Variants in ELMO2 observed in about 807,000 individuals in gnomAD.
ELMO2 encodes engulfment and cell motility 2.
ELMO2 carries 37 observed loss-of-function variants against 96.2 expected under a neutral mutation model. The observed-to-expected ratio is 0.38, with a 90% CI of 0.30 to 0.51. ELMO2 has a LOEUF of 0.51. ELMO2 is among the 20% of genes least tolerant of loss of function. The probability of loss-of-function intolerance (pLI) is 0.88; values close to 1 mark genes in which losing one functional copy is unlikely to be tolerated. For synonymous variants in ELMO2, 315 were observed against 329.4 expected, an observed-to-expected ratio of 0.96 and a Z score of 0.47; for missense variants, 561 against 912.6, an observed-to-expected ratio of 0.61 and a Z score of 4.96.
intron 8 of ELMO2, among the ~76,000 whole-genome samples, chr20:46,386,758 G>A (rs1226468297): frequency 6.6e-6 from 1 of 152,110 alleles, no homozygotes; most frequent in Non-Finnish European, 1.5e-5. Flanking sequence ...CCAGTGTCGG[G>A]GAGTCCCAAT....
intron 9 of ELMO2, among the ~76,000 whole-genome samples, chr20:46,383,822 T>C (rs2059997471): frequency 6.6e-6 from 1 of 152,200 alleles, no homozygotes; most frequent in Admixed American, 6.5e-5. Context: ...TTAAAAGTCA[T>C]GTTTTAGGGT....
At chr20:46,385,978 G>T in intron 9 of ELMO2, 146 bp downstream of exon 9, 1 of 831,200 alleles carries the variant, frequency 1.2e-6, no homozygotes, top group Non-Finnish European at 1.8e-6. Flanking sequence ...AGAAATTCTG[G>T]CAGGAGTGTG....
chr20:46,387,404 G>A lies in ELMO2; in HGVS notation c.459C>T (p.Ala153=). The A allele has an allele frequency of 6.2e-7, 1 of 1,614,004 alleles. No homozygotes were observed. The highest frequency in any genetic ancestry group is 8.5e-7 in the Non-Finnish European group (1 of 1,179,988). ...TGCCATGGTCCATGAGCTCTAGGAA[G>A]GCAGTCAGGGTGAATGCCAGCATCT... ...YSEMLAFTLT[A]FLELMDHGIV... Residue 153 remains alanine, a synonymous_variant, in exon 8 of 22, where the codon GCC becomes GCT. Coordinates refer to ENST00000290246, the MANE Select transcript of ELMO2 (RefSeq NM_133171.5).
At chr20:46,395,742 G>A (rs571144484) in intron 2 of ELMO2, among the ~76,000 whole-genome samples, 17 of 152,308 alleles carry the variant, frequency 1.1e-4, no homozygotes, top group African/African-American at 3.8e-4. Context: ...TAGTCAGAAT[G>A]GGATGCTTCA....
chr20:46,398,722 A>G lies in ELMO2; in HGVS notation c.-76T>C, dbSNP rs1279827278. On this transcript the variant is annotated 5_prime_UTR_variant, in exon 2 of 22. Transcript: ENST00000290246. ...CTTACAGGTAAGGCAACTGAAGTTC[A>G]GACGGATTGACAAACTTGTTCTCCA... is the stretch of plus-strand genomic sequence containing the variant. 2 of 152,258 alleles carry G rather than the reference A, an allele frequency of 1.3e-5. No individual in the cohort carries two copies. Among genetic ancestry groups the G allele is most frequent in the Admixed American group, 6.5e-5 (1 of 15,290 alleles). The allele number at this position is 152,258 out of a possible 1,614,324, so 9.4% of individuals were successfully genotyped here. A position where few individuals can be genotyped will look rare whatever the true frequency, so the allele number is the denominator to read the frequency against.
intron 7 of ELMO2, 79 bp from the exon 8 acceptor site, chr20:46,387,516 A>T: frequency 8.5e-7 from 1 of 1,180,286 alleles, no homozygotes. Context: ...GCCACAAAAA[A>T]GATGAATTTT....
In ELMO2 at chr20:46,386,286, A is replaced by T. The variant is rs748203626; in HGVS notation, c.526-11T>A. The T allele has an allele frequency of 1.2e-6, 2 of 1,613,366 alleles. No individual in the cohort carries two copies. The highest frequency in any genetic ancestry group is 2.2e-5 in the South Asian group (2 of 91,064). ...CACATACCCTGCAATCTAGACCCAG[A>T]GATGGCACATCAATTGAGAAGCTCA... On this transcript the variant is annotated splice_polypyrimidine_tract_variant and intron_variant, in intron 8 of 21. Coordinates refer to ENST00000290246, the MANE Select transcript of ELMO2 (RefSeq NM_133171.5).
rs778560733 is a variant in ELMO2, at chr20:46,371,666, C to T, written c.1606G>A (p.Glu536Lys). 1.9e-6 allele frequency: 3 copies of T among 1,613,822 alleles called. No individual in the cohort carries two copies. Among genetic ancestry groups the T allele is most frequent in the Non-Finnish European group, 2.5e-6 (3 of 1,180,002 alleles). ...IVELREKIQP[E>K]ILELIKQQRL... Reference sequence around the variant, plus strand: ...TGCTGCTTGATCAGCTCAAGGATCTCGGGCTGGATCTTCTCCCTCAGCTCC... The same window carrying T: ...TGCTGCTTGATCAGCTCAAGGATCTTGGGCTGGATCTTCTCCCTCAGCTCC... The change falls in exon 18 of 22, where the codon GAG (glutamate) becomes AAG (lysine). Residue 536 changes from glutamate to lysine, a missense_variant. Physicochemically the swap from Glu to Lys is moderately conservative, Grantham distance 56 (BLOSUM62 1). Coordinates refer to ENST00000290246, the MANE Select transcript of ELMO2 (RefSeq NM_133171.5). The surrounding 1 kb of genome is among the most constrained non-coding windows in gnomAD (Gnocchi z 5.9).
intron 6 of ELMO2, 135 bp from the exon 7 acceptor site, chr20:46,389,355 G>T: frequency 1.2e-6 from 1 of 843,638 alleles, no homozygotes; most frequent in Non-Finnish European, 1.8e-6. Context: ...CTTAGGAGTT[G>T]CTAAATAAAT....
intron 9 of ELMO2, among the ~76,000 whole-genome samples, chr20:46,385,381 TAACA>T (rs1196691891): frequency 6.6e-6 from 1 of 152,162 alleles, no homozygotes; most frequent in African/African-American, 2.4e-5. Flanking sequence ...ATAAGAGTCT[TAACA>T]AACAAACAAA....
At chr20:46,380,575 T>C (rs1045939145) in intron 10 of ELMO2, among the ~76,000 whole-genome samples, 2 of 152,168 alleles carry the variant, frequency 1.3e-5, no homozygotes, top group African/African-American at 4.8e-5. Flanking sequence ...CAAAGAGAGA[T>C]GAGGACTGCT....
At chr20:46,377,414 C>A (rs948991655) in intron 11 of ELMO2, among the ~76,000 whole-genome samples, 1 of 152,086 alleles carries the variant, frequency 6.6e-6, no homozygotes, top group African/African-American at 2.4e-5. Context: ...GGTTCTATGT[C>A]CACTGGACGG....
chr20:46,375,962 C>G lies in ELMO2; in HGVS notation c.808-172G>C, dbSNP rs2059852636. The stretch of plus-strand genomic sequence containing the variant: ...GGAGCATGAATGGGCTTGGTTCAGG[C>G]AGAGATGACTCACTGCAGGCCTGAA... On this transcript the variant is annotated intron_variant, in intron 11 of 21. Transcript: ENST00000290246. The surrounding 1 kb of genome is among the most constrained non-coding windows in gnomAD (Gnocchi z 4.6). 6.6e-6 allele frequency among the ~76,000 whole-genome samples: 1 copy of G among 152,220 alleles called. No homozygotes were observed. Among genetic ancestry groups the G allele is most frequent in the Admixed American group, 6.5e-5 (1 of 15,284 alleles).
At chr20:46,370,003 T>C (rs2059668780) in intron 20 of ELMO2, 2 of 345,330 alleles carry the variant, frequency 5.8e-6, no homozygotes, top group Non-Finnish European at 1.1e-5. Context: ...TGTGTGTGTG[T>C]GTATCCATAT....
At chr20:46,377,764 G>A (rs372802373) in intron 11 of ELMO2, among the ~76,000 whole-genome samples, 3 of 152,142 alleles carry the variant, frequency 2.0e-5, no homozygotes, top group African/African-American at 4.8e-5. Flanking sequence ...TCTCTTAAGC[G>A]TGAGATCGCT....
At chr20:46,387,644 A>AAAG in intron 7 of ELMO2, 1 of 230,606 alleles carries the variant, frequency 4.3e-6, no homozygotes, top group Non-Finnish European at 8.9e-6. Flanking sequence ...AAAAAAAAAA[A>AAAG]AAAAAAAAAT....
At chr20:46,402,470 A>C (rs537094047) in intron 1 of ELMO2, among the ~76,000 whole-genome samples, 1 of 152,370 alleles carries the variant, frequency 6.6e-6, no homozygotes, top group East Asian at 1.9e-4. Context: ...CACTTACCTC[A>C]GTTTTTGGAA....
At chr20:46,377,823 C>T in intron 11 of ELMO2, among the ~76,000 whole-genome samples, 1 of 152,188 alleles carries the variant, frequency 6.6e-6, no homozygotes, top group East Asian at 1.9e-4. Context: ...GCCTTACTCT[C>T]TTGTTCTCTG....
chr20:46,378,529 G>T (rs1412569130), intron 11 of ELMO2, among the ~76,000 whole-genome samples: 1 of 152,234 alleles, frequency 6.6e-6, no homozygotes, highest in African/African-American at 2.4e-5. Flanking sequence ...GAATGTGTGG[G>T]AACCTGTGTA....
Sources: gnomAD v4.1 joint callset for allele counts (sites outside exome capture counted in the v4.1 genomes callset) on GRCh38, gnomAD v4.1.1 for gene constraint, Gnocchi (gnomAD v3.1) non-coding constraint, MANE v1.5 for transcripts, NCBI Gene and HGNC (gene_info 2026-07-23, HGNC 2026-07-21) for gene names.